The following EIF4G3 variants were observed in gnomAD, a reference collection of about 807,000 sequenced individuals.
The protein encoded by EIF4G3 is eukaryotic translation initiation factor 4 gamma 3.
A neutral mutation model predicts 186.4 loss-of-function variants in EIF4G3; 34 were observed. The observed-to-expected ratio is 0.18, with a 90% CI of 0.14 to 0.24. The LOEUF (loss-of-function observed/expected upper bound fraction) is 0.24. Ranked by LOEUF, EIF4G3 falls within the 10% of genes least tolerant of loss-of-function variation. The probability of loss-of-function intolerance (pLI) is 1.00; values close to 1 mark genes in which losing one functional copy is unlikely to be tolerated. For missense variants in EIF4G3, 1,536 were observed against 1,948.5 expected, an observed-to-expected ratio of 0.79 and a Z score of 3.99; for synonymous variants, 673 against 679.5, an observed-to-expected ratio of 0.99 and a Z score of 0.15.
chr1:20,860,498 C>T lies in EIF4G3; in HGVS notation c.3131G>A (p.Arg1044Lys), dbSNP rs1186722280. 6.2e-7 allele frequency: 1 copy of T among 1,613,932 alleles called. No homozygotes were observed. Among genetic ancestry groups the T allele is most frequent in the Admixed American group, 1.7e-5 (1 of 60,008 alleles). The change falls in exon 24 of 37, where the codon AGA (arginine) becomes AAA (lysine). Residue 1044 changes from arginine (R) to lysine (K), a missense_variant. Arg to Lys is a conservative substitution (Grantham distance 26). Transcript: ENST00000602326. ...DLRLCNWVSR[R>K]ADQGPKTIEQ... ...GATAGTTTTAGGCCCTTGATCTGCT[C>T]TTCGAGATACCCAATTGCACTATAA...
At chr1:20,969,011 C>T (rs949403519) in intron 12 of EIF4G3, among the ~76,000 whole-genome samples, 15 of 152,174 alleles carry the variant, frequency 9.9e-5, no homozygotes, top group Non-Finnish European at 1.9e-4. Flanking sequence ...AGAAGTATAC[C>T]TGTTATACAT....
intron 2 of EIF4G3, among the ~76,000 whole-genome samples, chr1:21,106,066 CTTTTT>C (rs1048552858): frequency 7.6e-6 from 1 of 132,356 alleles, no homozygotes; most frequent in Non-Finnish European, 1.6e-5. Flanking sequence ...GACCCTGTCT[CTTTTT>C]TTTTTTTTTT....
chr1:21,094,112 T>C (rs1418844976), intron 2 of EIF4G3, among the ~76,000 whole-genome samples: 1 of 151,268 alleles, frequency 6.6e-6, no homozygotes, highest in Non-Finnish European at 1.5e-5. Context: ...AAAAAAAATT[T>C]TTTTTTTTTT....
At chr1:20,951,739 T>A (rs113666612) in intron 12 of EIF4G3, among the ~76,000 whole-genome samples, 1 of 126,834 alleles carries the variant, frequency 7.9e-6, no homozygotes, top group African/African-American at 2.6e-5. Context: ...GGGAAATTAA[T>A]AACCAAATAA....
In EIF4G3 at chr1:20,941,774, A is replaced by G; in HGVS notation, c.1380T>C (p.Ala460=). The change falls in exon 14 of 37, where the codon GCT becomes GCC. Residue 460 remains alanine, a synonymous_variant. Transcript: ENST00000602326. The part of the protein sequence containing the change: ...PEEMKLECIP[A]PITPSTVPSF... ...AAGGAACTGTGGAAGGGGTGATGGG[A>G]GCTGGGATACACTCCAGTTTCATTT... 3 of 1,612,504 alleles carry G rather than the reference A, an allele frequency of 1.9e-6. No individual in the cohort carries two copies. Among genetic ancestry groups the G allele is most frequent in the Non-Finnish European group, 2.5e-6 (3 of 1,179,190 alleles).
chr1:21,158,140 C>T (rs12119348), intron 2 of EIF4G3, among the ~76,000 whole-genome samples: 49,870 of 150,024 alleles, frequency 0.33, 9,059 homozygotes, highest in Non-Finnish European at 0.41. Flanking sequence ...CCTTTCTGTG[C>T]CTAAACTCTC....
chr1:21,073,160 T>C (rs2095491204), intron 3 of EIF4G3, among the ~76,000 whole-genome samples: 1 of 152,148 alleles, frequency 6.6e-6, no homozygotes, highest in Non-Finnish European at 1.5e-5. Context: ...TAAATATGAG[T>C]ATTTTCATGA....
chr1:21,067,953 AAAG>A (rs1180423608), intron 3 of EIF4G3, among the ~76,000 whole-genome samples: 9 of 152,072 alleles, frequency 5.9e-5, no homozygotes, highest in African/African-American at 2.2e-4. Flanking sequence ...TAAAATAAAA[AAAG>A]AAAACCCCTA....
intron 3 of EIF4G3, chr1:21,073,607 C>A: frequency 2.0e-6 from 1 of 507,470 alleles, no homozygotes; most frequent in Non-Finnish European, 3.9e-6. Context: ...CAGCATGGAC[C>A]CCTCTAAGTC....
Position 20,807,518 on chromosome 1 carries a change from T to C in EIF4G3, c.4745-18A>G, listed in dbSNP as rs1468043971. On this transcript the variant is annotated intron_variant, in intron 36 of 36. Transcript: ENST00000602326. The stretch of plus-strand genomic sequence containing the variant: ...CAGCAAATCTGCAAGGAGGTGAAAA[T>C]AAACTATAAGCTTTGGGACACTGTA... 3.8e-6 allele frequency: 6 copies of C among 1,572,288 alleles called. No individual in the cohort carries two copies. In the East Asian group the frequency reaches 1.1e-4, roughly 30 times the overall value.
intron 14 of EIF4G3, among the ~76,000 whole-genome samples, chr1:20,921,040 T>C (rs1009834791): frequency 3.3e-5 from 5 of 152,176 alleles, no homozygotes; most frequent in Non-Finnish European, 5.9e-5. Context: ...AAATTATGTA[T>C]AAATTATATT....
At chr1:21,043,077 C>T (rs2093669225) in intron 4 of EIF4G3, among the ~76,000 whole-genome samples, 1 of 152,158 alleles carries the variant, frequency 6.6e-6, no homozygotes, top group South Asian at 2.1e-4. Flanking sequence ...AAGAAAAACG[C>T]TGACAGAGTT....
At chr1:21,021,964 TAACATAAA>T (rs1438213204) in intron 4 of EIF4G3, among the ~76,000 whole-genome samples, 1 of 152,156 alleles carries the variant, frequency 6.6e-6, no homozygotes, top group Non-Finnish European at 1.5e-5. Flanking sequence ...AATTTAATAT[TAACATAAA>T]ATCCAGCAAA....
intron 12 of EIF4G3, among the ~76,000 whole-genome samples, chr1:20,967,388 T>A (rs1314710373): frequency 1.3e-5 from 2 of 152,228 alleles, no homozygotes; most frequent in Admixed American, 1.3e-4. Flanking sequence ...TGCCCCCACC[T>A]AACAGAGCAC....
chr1:20,811,529 A>ATT (rs2059245120), intron 35 of EIF4G3, among the ~76,000 whole-genome samples: 1 of 152,240 alleles, frequency 6.6e-6, no homozygotes, highest in African/African-American at 2.4e-5. Flanking sequence ...TTAATGAGAC[A>ATT]TTCTCTCACA....
rs116516734 is a variant in EIF4G3, at chr1:21,038,344, T to C, written c.-67+12522A>G. On this transcript the variant is annotated intron_variant, in intron 4 of 36. Transcript: ENST00000602326. ...AAGAGATGCTGTTGGTTCACTGAAT[T>C]CCCAACAAAAGTATTCTACAATGTC... is the stretch of plus-strand genomic sequence containing the variant. 8.9e-3 allele frequency among the ~76,000 whole-genome samples: 1,356 copies of C among 152,308 alleles called. 11 individuals are homozygous for C. Among genetic ancestry groups the C allele is most frequent in the Non-Finnish European group, 0.013 (887 of 68,022 alleles).
At chr1:21,128,146 G>A (rs1174890215) in intron 2 of EIF4G3, among the ~76,000 whole-genome samples, 2 of 151,612 alleles carry the variant, frequency 1.3e-5, no homozygotes, top group Non-Finnish European at 2.9e-5. Flanking sequence ...GGTGGAGCTT[G>A]CAGTGAGCCA....
intron 30 of EIF4G3, among the ~76,000 whole-genome samples, chr1:20,840,585 G>A (rs1040321956): frequency 2.0e-5 from 3 of 152,170 alleles, no homozygotes; most frequent in African/African-American, 7.2e-5. Context: ...CTGAGGCTAA[G>A]GGGTCTCTGT....
chr1:21,170,578 G>C (rs965498269), intron 2 of EIF4G3, among the ~76,000 whole-genome samples: 57 of 152,168 alleles, frequency 3.7e-4, no homozygotes, highest in African/African-American at 1.4e-3. Flanking sequence ...AGCTAAGGCA[G>C]GAGAATCACT....
Sources: allele counts gnomAD v4.1 joint callset (sites outside exome capture counted in the v4.1 genomes callset), GRCh38; gene constraint gnomAD v4.1.1; transcripts MANE v1.5; gene names NCBI Gene and HGNC (gene_info 2026-07-23, HGNC 2026-07-21).